ADGRL3: variants seen among roughly 807,000 people sequenced by gnomAD.
The protein encoded by ADGRL3 is calcium-independent alpha-latrotoxin receptor 3.
Under a neutral mutation model 153.5 loss-of-function variants are expected in ADGRL3, and 62 were observed. That is an observed-to-expected ratio of 0.40 (90% CI 0.33 to 0.50). ADGRL3 has a LOEUF of 0.50. Ranked by LOEUF, ADGRL3 falls within the 20% of genes least tolerant of loss-of-function variation. ADGRL3 has a pLI of 0.47. For missense variants in ADGRL3, 1,641 were observed against 1,859.4 expected, an observed-to-expected ratio of 0.88 and a Z score of 2.16; for synonymous variants, 710 against 672.5, an observed-to-expected ratio of 1.06 and a Z score of -0.86.
intron 9 of ADGRL3, among the ~76,000 whole-genome samples, chr4:61,831,249 T>C (rs921383426): frequency 6.6e-6 from 1 of 151,864 alleles, no homozygotes; most frequent in Non-Finnish European, 1.5e-5. Flanking sequence ...ACAACTTTCA[T>C]AGTATCATTG....
chr4:61,207,409 T>C (rs1433207939), intron 1 of ADGRL3, among the ~76,000 whole-genome samples: 2 of 152,206 alleles, frequency 1.3e-5, no homozygotes, highest in Middle Eastern at 3.2e-3. Flanking sequence ...TAGTATTCCA[T>C]GGTGTATATG....
chr4:61,691,085 A>C (rs1284794820), intron 6 of ADGRL3, among the ~76,000 whole-genome samples: 1 of 152,152 alleles, frequency 6.6e-6, no homozygotes. Context: ...AAAGTGAGAA[A>C]CATATGTTAT....
rs1401522212 is a variant in ADGRL3 at position 61,909,436 on chromosome 4, T to C, written c.1888-124T>C. 3 of 643,912 alleles carry C rather than the reference T, an allele frequency of 4.7e-6. No individual in the cohort carries two copies. The African/African-American group carries it at 5.6e-5, about 12-fold the overall frequency. The allele number at this position is 643,912 out of a possible 1,614,324, so 39.9% of individuals were successfully genotyped here. On this transcript the variant is annotated intron_variant, in intron 11 of 26. Transcript: ENST00000683033. ...TTGGGGAGTGTATTCCAGATGAAGA[T>C]GAAGTTTAACAACTATTTCTTGAAT...
chr4:61,849,277 CAAAG>C (rs2149126386), intron 9 of ADGRL3, among the ~76,000 whole-genome samples: 1 of 152,142 alleles, frequency 6.6e-6, no homozygotes, highest in African/African-American at 2.4e-5. Flanking sequence ...GTAAAAGTCA[CAAAG>C]AAAGAGATCC....
chr4:61,371,495 A>C (rs1228896748), intron 1 of ADGRL3, among the ~76,000 whole-genome samples: 3 of 151,194 alleles, frequency 2.0e-5, no homozygotes, highest in Admixed American at 6.6e-5. Flanking sequence ...TATGAAGCTT[A>C]GTTTGGCTGG....
chr4:61,641,005 TAAAC>T lies in ADGRL3; in HGVS notation c.474-35819_474-35816del, dbSNP rs1172094668. Among the ~76,000 whole-genome samples the T allele has an allele frequency of 3.3e-5, 5 of 152,174 alleles. No homozygotes were observed. The East Asian group carries it at 9.6e-4, about 29-fold the overall frequency. ...TTGATCACTATATATTGTTTCCACT[TAAAC>T]AGTTTATATTTCCTAAGTAATATTG... On this transcript the variant is annotated intron_variant, in intron 5 of 26. Coordinates refer to ENST00000683033, the MANE Select transcript of ADGRL3 (RefSeq NM_001387552.1).
intron 1 of ADGRL3, among the ~76,000 whole-genome samples, chr4:61,358,554 G>C: frequency 7.7e-6 from 1 of 130,050 alleles, no homozygotes; most frequent in Non-Finnish European, 1.5e-5. Flanking sequence ...TGGAGATCGT[G>C]CCACTGCACT....
chr4:62,015,418 A>G (rs1208046682), intron 21 of ADGRL3, among the ~76,000 whole-genome samples: 1 of 152,248 alleles, frequency 6.6e-6, no homozygotes, highest in East Asian at 1.9e-4. Context: ...TTTAATTATG[A>G]GATTAAGATA....
Position 61,590,559 on chromosome 4 carries a change from C to T in ADGRL3, c.473+3119C>T, listed in dbSNP as rs537410481. The stretch of plus-strand genomic sequence containing the variant: ...TGAAAGTTTACAACGTGCAGTTTAC[C>T]ATAACAGTTACTTTTGGGCTTGATG... On this transcript the variant is annotated intron_variant, in intron 5 of 26. Transcript: ENST00000683033. 6.6e-5 allele frequency among the ~76,000 whole-genome samples: 10 copies of T among 152,116 alleles called. No individual in the cohort carries two copies. In the East Asian group the frequency reaches 1.9e-3, roughly 29 times the overall value.
intron 1 of ADGRL3, among the ~76,000 whole-genome samples, chr4:61,331,948 T>C (rs2095581528): frequency 6.6e-6 from 1 of 152,080 alleles, no homozygotes; most frequent in African/African-American, 2.4e-5. Flanking sequence ...GTCAGTGTTC[T>C]GTAGGAGTGG....
intron 5 of ADGRL3, among the ~76,000 whole-genome samples, chr4:61,628,476 A>C (rs2092964568): frequency 7.0e-6 from 1 of 142,348 alleles, no homozygotes; most frequent in African/African-American, 2.5e-5. Context: ...GAGTATTTAT[A>C]ATGTGGTTTA....
chr4:61,359,823 A>T (rs954681537), intron 1 of ADGRL3, among the ~76,000 whole-genome samples: 7 of 152,182 alleles, frequency 4.6e-5, no homozygotes, highest in Admixed American at 4.6e-4. Context: ...AGCACATGGA[A>T]ACAGCTCAAT....
At chr4:61,874,962 C>T (rs1427365865) in intron 9 of ADGRL3, among the ~76,000 whole-genome samples, 5 of 150,962 alleles carry the variant, frequency 3.3e-5, no homozygotes, top group Non-Finnish European at 7.4e-5. Flanking sequence ...GCGCCCACCA[C>T]CGCGCCCGGC....
chr4:61,315,793 A>T (rs2095189164), intron 1 of ADGRL3, among the ~76,000 whole-genome samples: 1 of 152,180 alleles, frequency 6.6e-6, no homozygotes, highest in Admixed American at 6.6e-5. Context: ...ATGATAAAGG[A>T]TCCTCAAGAT....
At chr4:61,728,460 A>G (rs1185661785) in intron 6 of ADGRL3, among the ~76,000 whole-genome samples, 1 of 152,110 alleles carries the variant, frequency 6.6e-6, no homozygotes, top group Non-Finnish European at 1.5e-5. Flanking sequence ...GAAGAATATA[A>G]CAGATACCTT....
chr4:61,703,030 A>G (rs918201009), intron 6 of ADGRL3, among the ~76,000 whole-genome samples: 26 of 152,092 alleles, frequency 1.7e-4, no homozygotes, highest in Admixed American at 1.4e-3. Context: ...TTTTTTAAAC[A>G]TACATTTCCC....
chr4:61,613,026 T>C (rs1034264960), intron 5 of ADGRL3, among the ~76,000 whole-genome samples: 2 of 152,148 alleles, frequency 1.3e-5, no homozygotes, highest in Non-Finnish European at 2.9e-5. Flanking sequence ...AGGATACCCA[T>C]ATGTGATTTG....
At chr4:61,908,384 G>A (rs1221763287) in intron 11 of ADGRL3, among the ~76,000 whole-genome samples, 1 of 152,096 alleles carries the variant, frequency 6.6e-6, no homozygotes, top group Non-Finnish European at 1.5e-5. Flanking sequence ...ATTGCCTAAG[G>A]TCAGGAGTTC....
chr4:62,040,521 A>C (rs1177767299), intron 24 of ADGRL3, among the ~76,000 whole-genome samples: 1 of 152,070 alleles, frequency 6.6e-6, no homozygotes, highest in South Asian at 2.1e-4. Context: ...ATATTAAGAC[A>C]AAATTTGGGG....
Sources: gnomAD v4.1 joint callset for allele counts (sites outside exome capture counted in the v4.1 genomes callset) on GRCh38, gnomAD v4.1.1 for gene constraint, MANE v1.5 for transcripts, NCBI Gene and HGNC (gene_info 2026-07-23, HGNC 2026-07-21) for gene names.